GPR83: variants seen among roughly 807,000 people sequenced by gnomAD.
The protein encoded by GPR83 is G protein-coupled receptor 83, also known as G-protein coupled receptor 72.
Under a neutral mutation model 28.0 loss-of-function variants are expected in GPR83, and 23 were observed. The observed-to-expected ratio is 0.82, with a 90% CI of 0.59 to 1.16. The LOEUF is 1.16. Ranked by LOEUF, GPR83 falls within the 50% of genes most tolerant of loss-of-function variation. The pLI is 0.00. For synonymous variants in GPR83, 234 were observed against 215.4 expected (o/e 1.09, Z -0.76); for missense variants, 610 against 536.6 (o/e 1.14, Z -1.35).
In GPR83 at chr11:94,391,237, T is replaced by C. The variant is rs138988502; in HGVS notation, c.647+2248A>G. Among the ~76,000 whole-genome samples the C allele has an allele frequency of 5.3e-3, 812 of 152,138 alleles. 3 individuals are homozygous for C. The highest frequency in any genetic ancestry group is 0.031 in the Middle Eastern group (9 of 292). ...ACACAATGAGGGAAAGAGTCCCTAT[T>C]CAATAAATGTTGTTGGAAAAACTGG... On this transcript the variant is annotated intron_variant, in intron 3 of 3. Coordinates refer to ENST00000243673, the MANE Select transcript of GPR83 (RefSeq NM_016540.4).
rs532572164 is a variant in GPR83 at position 94,390,041 on chromosome 11, A to C, written c.647+3444T>G. Among the ~76,000 whole-genome samples the C allele has an allele frequency of 4.6e-5, 7 of 152,248 alleles. No individual in the cohort carries two copies. The East Asian group carries it at 1.4e-3, about 29-fold the overall frequency. ...TGTGGGGACATGGATTAAGCTTGAA[A>C]CCATCATTCTCAGCAAACTATCACA... On this transcript the variant is annotated intron_variant, in intron 3 of 3. Transcript: ENST00000243673.
intron 1 of GPR83, among the ~76,000 whole-genome samples, chr11:94,400,194 A>G (rs1334905735): frequency 1.3e-5 from 2 of 152,070 alleles, no homozygotes; most frequent in Admixed American, 1.3e-4. Flanking sequence ...AGGGAGGGGG[A>G]CCTGATCATC....
At position 94,396,506 on chromosome 11, in the gene GPR83, T is replaced by C. The variant is rs755262925; in HGVS notation, c.406A>G (p.Thr136Ala). The change falls in exon 2 of 4, where the codon ACA becomes GCA. Residue 136 changes from threonine to alanine, a missense_variant. Coordinates refer to ENST00000243673, the MANE Select transcript of GPR83 (RefSeq NM_016540.4). ...PFTLVRFVNS[T>A]WIFGKGMCHV... Reference sequence around the variant, plus strand: ...CACATGCCCTTCCCAAATATCCATGTGCTGTTCACAAAGCGAACCTGGAGA... The same window carrying C: ...CACATGCCCTTCCCAAATATCCATGCGCTGTTCACAAAGCGAACCTGGAGA... 12 of 1,614,030 alleles carry C rather than the reference T, an allele frequency of 7.4e-6. No homozygotes were observed. The South Asian group carries it at 1.3e-4, about 18-fold the overall frequency.
At chr11:94,384,689 C>T (rs1944730635) in intron 3 of GPR83, among the ~76,000 whole-genome samples, 1 of 152,178 alleles carries the variant, frequency 6.6e-6, no homozygotes, top group African/African-American at 2.4e-5. Context: ...AGTAGGTAAA[C>T]AAAGCGGCCA....
intron 1 of GPR83, among the ~76,000 whole-genome samples, chr11:94,399,367 A>C (rs1240372444): frequency 1.3e-5 from 2 of 152,234 alleles, no homozygotes; most frequent in Non-Finnish European, 2.9e-5. Context: ...GAGTAGCAGA[A>C]GCTAAACATG....
At position 94,379,639 on chromosome 11, in the gene GPR83, A is replaced by G. The variant is rs16920237; in HGVS notation, c.*510T>C. 0.07 allele frequency: 10,644 copies of G among 152,592 alleles called. 468 individuals are homozygous for G. Among genetic ancestry groups the G allele is most frequent in the Admixed American group, 0.13 (2,015 of 15,306 alleles). The allele number at this position is 152,592 out of a possible 1,614,324, so 9.5% of individuals were successfully genotyped here. A position where few individuals can be genotyped will look rare whatever the true frequency, so the allele number is the denominator to read the frequency against. On this transcript the variant is annotated 3_prime_UTR_variant, in exon 4 of 4. Coordinates refer to ENST00000243673, the MANE Select transcript of GPR83 (RefSeq NM_016540.4). The stretch of plus-strand genomic sequence containing the variant: ...CTAGGCCACTGAAGACTTATGATTC[A>G]TCATGGCCCAGTGACTCCAGAAAGT...
Position 94,377,639 on chromosome 11 carries a change from A to G in GPR83, c.*2510T>C, listed in dbSNP as rs890078319. The stretch of plus-strand genomic sequence containing the variant: ...AAACCATACTTCGCATATCCATACA[A>G]CCATTCTGGTTTTCACCTTCAGTAC... On this transcript the variant is annotated 3_prime_UTR_variant, in exon 4 of 4. Coordinates refer to ENST00000243673, the MANE Select transcript of GPR83 (RefSeq NM_016540.4). 1 of 152,192 alleles carries G rather than the reference A, an allele frequency of 6.6e-6. No individual in the cohort carries two copies. The highest frequency in any genetic ancestry group is 1.5e-5 in the Non-Finnish European group (1 of 68,044). 9.4% of individuals were successfully genotyped at this position (152,192 alleles called of 1,614,324 possible). A position where few individuals can be genotyped will look rare whatever the true frequency, so the allele number is the denominator to read the frequency against.
rs1410391037 is a variant in GPR83 at position 94,377,489 on chromosome 11, G to T, written c.*2660C>A. The stretch of plus-strand genomic sequence containing the variant: ...GACAGATCTAATGAGCCATCAGTGG[G>T]TTCTCCCCAGAGTAAAAGGGTTTTC... On this transcript the variant is annotated 3_prime_UTR_variant, in exon 4 of 4. Transcript: ENST00000243673. The T allele has an allele frequency of 6.6e-6, 1 of 151,956 alleles. No individual in the cohort carries two copies. Among genetic ancestry groups the T allele is most frequent in the Non-Finnish European group, 1.5e-5 (1 of 68,022 alleles). 9.4% of individuals were successfully genotyped at this position (151,956 alleles called of 1,614,324 possible).
Position 94,401,131 on chromosome 11 carries a change from C to T in GPR83, c.117G>A (p.Ser39=). 6.2e-7 allele frequency: 1 copy of T among 1,614,206 alleles called. No homozygotes were observed. Residue 39 remains serine (S), a synonymous_variant, in exon 1 of 4, where the codon TCG becomes TCA. Coordinates refer to ENST00000243673, the MANE Select transcript of GPR83 (RefSeq NM_016540.4). ...AEAALAVPNA[S]HFFSWNNYTF... is the part of the protein sequence containing the mutation. ...TGTAGTTGTTCCAAGAGAAGAAGTG[C>T]GAGGCATTGGGCACGGCCAGGGCCG...
rs1944671415 is a variant in GPR83, at chr11:94,380,241, C to G, written c.1180G>C (p.Ala394Pro). Residue 394 changes from alanine to proline, a missense_variant, in exon 4 of 4, where the codon GCT (alanine) becomes CCT (proline). Physicochemically the swap from Ala to Pro is conservative, Grantham distance 27 (BLOSUM62 -1). Coordinates refer to ENST00000243673, the MANE Select transcript of GPR83 (RefSeq NM_016540.4). Reference protein sequence around the residue: ...AWTEKNDGQRAPLANNLLPTS... With the variant: ...AWTEKNDGQRPPLANNLLPTS... Reference sequence around the variant, plus strand: ...GGCAGGAGGTTATTGGCAAGGGGAGCCCTCTGGCCATCATTCTTCTCTGTC... The same window carrying G: ...GGCAGGAGGTTATTGGCAAGGGGAGGCCTCTGGCCATCATTCTTCTCTGTC... The G allele has an allele frequency of 2.0e-6, 3 of 1,528,304 alleles. No individual in the cohort carries two copies. The African/African-American group carries it at 4.2e-5, about 21-fold the overall frequency. 94.7% of individuals were successfully genotyped at this position (1,528,304 alleles called of 1,614,324 possible). A position where few individuals can be genotyped will look rare whatever the true frequency, so the allele number is the denominator to read the frequency against.
In GPR83 at chr11:94,381,875, C is replaced by T. The variant is rs60268883; in HGVS notation, c.648-1102G>A. Among the ~76,000 whole-genome samples, 537 of 152,266 alleles carry T rather than the reference C, an allele frequency of 3.5e-3. 5 individuals carry two copies. Among genetic ancestry groups the T allele is most frequent in the African/African-American group, 0.012 (514 of 41,558 alleles). ...GCAAACTCTGCATTTTCAGTCTGCCCCAGAGCCTCCTGTGGGGCAGGGGCA... is the reference window on the plus strand; with the variant it reads ...GCAAACTCTGCATTTTCAGTCTGCCTCAGAGCCTCCTGTGGGGCAGGGGCA... On this transcript the variant is annotated intron_variant, in intron 3 of 3. Transcript: ENST00000243673.
chr11:94,385,821 A>G (rs1379941080), intron 3 of GPR83, among the ~76,000 whole-genome samples: 1 of 152,238 alleles, frequency 6.6e-6, no homozygotes, highest in East Asian at 1.9e-4. Context: ...AGGCAGGCCA[A>G]CATTCAAATT....
chr11:94,399,228 T>C (rs543130355), intron 1 of GPR83, among the ~76,000 whole-genome samples: 2 of 152,276 alleles, frequency 1.3e-5, no homozygotes, highest in East Asian at 3.9e-4. Context: ...GTCTTGTGCT[T>C]TGAGACACCC....
chr11:94,383,154 C>CAA (rs1476784786), intron 3 of GPR83, among the ~76,000 whole-genome samples: 2 of 114,822 alleles, frequency 1.7e-5, no homozygotes, highest in African/African-American at 6.6e-5. Context: ...CCGTCTCAAA[C>CAA]AAAAAAAGAA....
At chr11:94,381,485 C>A (rs1479095479) in intron 3 of GPR83, among the ~76,000 whole-genome samples, 1 of 151,644 alleles carries the variant, frequency 6.6e-6, no homozygotes, top group Admixed American at 6.6e-5. Flanking sequence ...CTGGAGGGGG[C>A]CTTTATAAGT....
rs149008521 is a variant in GPR83 at position 94,385,126 on chromosome 11, A to C, written c.648-4353T>G. Among the ~76,000 whole-genome samples, 255 of 152,342 alleles carry C rather than the reference A, an allele frequency of 1.7e-3. 1 individual carries two copies. Among genetic ancestry groups the C allele is most frequent in the African/African-American group, 5.7e-3 (239 of 41,592 alleles). On this transcript the variant is annotated intron_variant, in intron 3 of 3. Coordinates refer to ENST00000243673, the MANE Select transcript of GPR83 (RefSeq NM_016540.4). ...CCTCCGGCAAACTCCAACAGACCTG[A>C]AGCTGAGGGTCCCGACTGTTAGAAG...
rs934048896 is a variant in GPR83 at position 94,401,300 on chromosome 11, G to C, written c.-53C>G. 8 of 1,512,614 alleles carry C rather than the reference G, an allele frequency of 5.3e-6. No homozygotes were observed. The African/African-American group carries it at 1.1e-4, about 21-fold the overall frequency. 93.7% of individuals were successfully genotyped at this position (1,512,614 alleles called of 1,614,324 possible). On this transcript the variant is annotated 5_prime_UTR_variant, in exon 1 of 4. Transcript: ENST00000243673. Reference sequence around the variant, plus strand: ...GCCTGCGGGCCGGGCGTCCCCTCCCGCTGGGATCGGAGCGCGCAGCCGGGG... The same window carrying C: ...GCCTGCGGGCCGGGCGTCCCCTCCCCCTGGGATCGGAGCGCGCAGCCGGGG...
chr11:94,397,517 G>T (rs1944877587), intron 1 of GPR83, among the ~76,000 whole-genome samples: 1 of 152,244 alleles, frequency 6.6e-6, no homozygotes, highest in Admixed American at 6.5e-5. Flanking sequence ...GGAGTATAAT[G>T]TAGTGACTTA....
intron 1 of GPR83, among the ~76,000 whole-genome samples, chr11:94,400,223 G>C (rs1388386685): frequency 1.3e-5 from 2 of 152,122 alleles, no homozygotes; most frequent in African/African-American, 4.8e-5. Context: ...CATTTCAGGG[G>C]CATTGATTTA....
Sources: allele counts gnomAD v4.1 joint callset (sites outside exome capture counted in the v4.1 genomes callset), GRCh38; gene constraint gnomAD v4.1.1; transcripts MANE v1.5; gene names NCBI Gene and HGNC (gene_info 2026-07-23, HGNC 2026-07-21).